ERBB4: variants seen among roughly 807,000 people sequenced by gnomAD.
The protein encoded by ERBB4 is receptor tyrosine-protein kinase erbB-4.
Under a neutral mutation model 158.0 loss-of-function variants are expected in ERBB4, and 42 were observed. The observed-to-expected ratio is 0.27, with a 90% confidence interval of 0.21 to 0.34. The LOEUF (loss-of-function observed/expected upper bound fraction) is 0.34. Ranked by LOEUF, ERBB4 falls within the 10% of genes least tolerant of loss-of-function variation. The pLI, the probability that ERBB4 is intolerant of heterozygous loss-of-function variation, is 1.00. For synonymous variants in ERBB4, 583 were observed against 558.7 expected (o/e 1.04, Z -0.61); for missense variants, 1,333 against 1,624.1 (o/e 0.82, Z 3.08).
chr2:212,397,302 C>T lies in ERBB4; in HGVS notation c.82+141147G>A, dbSNP rs2091057202. Among the ~76,000 whole-genome samples, 4 of 151,902 alleles carry T rather than the reference C, an allele frequency of 2.6e-5. No individual in the cohort carries two copies. The South Asian group carries it at 8.3e-4, about 32-fold the overall frequency. On this transcript the variant is annotated intron_variant, in intron 1 of 27. Coordinates refer to ENST00000342788, the MANE Select transcript of ERBB4 (RefSeq NM_005235.3). ...CCAGCCTGGGCAACATGGTGAAACC[C>T]ACTCTCTACAAAAAATACAAAACAG...
chr2:212,421,813 G>A (rs1016360141), intron 1 of ERBB4, among the ~76,000 whole-genome samples: 2 of 152,086 alleles, frequency 1.3e-5, no homozygotes, highest in Non-Finnish European at 2.9e-5. Flanking sequence ...ATGTATTGGA[G>A]TCATCTGTGT....
At chr2:212,444,966 A>G (rs186103330) in intron 1 of ERBB4, among the ~76,000 whole-genome samples, 1 of 151,458 alleles carries the variant, frequency 6.6e-6, no homozygotes, top group African/African-American at 2.4e-5. Context: ...GCCAAAACTA[A>G]TATCTGTGGA....
intron 19 of ERBB4, among the ~76,000 whole-genome samples, chr2:211,565,660 C>A (rs1351192283): frequency 1.3e-5 from 2 of 152,080 alleles, no homozygotes; most frequent in African/African-American, 4.8e-5. Context: ...TTCAGCTGTG[C>A]CTTACAAGAG....
Position 212,147,419 on chromosome 2 carries a change from T to A in ERBB4, c.83-22516A>T, listed in dbSNP as rs182029552. ...TTTAAGAGTTAGATAGGATGATCTG[T>A]AAGGTCACTGTTATTCTAAAATTCT... On this transcript the variant is annotated intron_variant, in intron 1 of 27. Transcript: ENST00000342788. Among the ~76,000 whole-genome samples the A allele has an allele frequency of 2.6e-3, 399 of 152,136 alleles. 1 individual carries two copies. Among genetic ancestry groups the A allele is most frequent in the African/African-American group, 8.8e-3 (366 of 41,524 alleles).
chr2:212,058,061 A>T (rs1438113113), intron 2 of ERBB4, among the ~76,000 whole-genome samples: 1 of 152,236 alleles, frequency 6.6e-6, no homozygotes, highest in East Asian at 1.9e-4. Flanking sequence ...GAGAGAAGAG[A>T]GAAGAATCAA....
At chr2:211,772,646 G>A (rs1484913417) in intron 4 of ERBB4, among the ~76,000 whole-genome samples, 1 of 149,730 alleles carries the variant, frequency 6.7e-6, no homozygotes, top group Non-Finnish European at 1.5e-5. Context: ...GATAACTAAT[G>A]TTTTTTCTTC....
At chr2:211,960,423 T>C (rs1447252009) in intron 2 of ERBB4, among the ~76,000 whole-genome samples, 1 of 152,140 alleles carries the variant, frequency 6.6e-6, no homozygotes, top group Non-Finnish European at 1.5e-5. Flanking sequence ...CTTTGGACAA[T>C]AATAGAGGAC....
At chr2:211,881,737 A>C (rs1391902290) in intron 3 of ERBB4, among the ~76,000 whole-genome samples, 1 of 151,136 alleles carries the variant, frequency 6.6e-6, no homozygotes, top group African/African-American at 2.4e-5. Context: ...GAAATCAGCA[A>C]CTCATTTTTC....
intron 2 of ERBB4, 95 bp downstream of exon 2, chr2:212,124,649 GGCAGAAGA>G: frequency 7.6e-7 from 1 of 1,319,726 alleles, no homozygotes; most frequent in Non-Finnish European, 1.1e-6. Context: ...GTGCCTGCCA[GGCAGAAGA>G]GCACCCCTTC....
chr2:212,070,633 T>C (rs893729421), intron 2 of ERBB4, among the ~76,000 whole-genome samples: 1 of 152,026 alleles, frequency 6.6e-6, no homozygotes, highest in African/African-American at 2.4e-5. Flanking sequence ...ATAACTGTAA[T>C]GTACACACAA....
At chr2:212,076,727 A>G (rs2078285331) in intron 2 of ERBB4, among the ~76,000 whole-genome samples, 1 of 152,006 alleles carries the variant, frequency 6.6e-6, no homozygotes, top group African/African-American at 2.4e-5. Flanking sequence ...CCCCTATGTT[A>G]AAAAGCCACC....
chr2:211,958,725 G>A (rs76810663), intron 2 of ERBB4, among the ~76,000 whole-genome samples: 2,269 of 152,048 alleles, frequency 0.015, 19 homozygotes, highest in Non-Finnish European at 0.022. Flanking sequence ...TACTATCCAC[G>A]GCAAAATGGT....
intron 1 of ERBB4, among the ~76,000 whole-genome samples, chr2:212,442,348 G>T (rs1168127906): frequency 6.6e-6 from 1 of 152,062 alleles, no homozygotes; most frequent in Non-Finnish European, 1.5e-5. Context: ...GGGGAGGCTG[G>T]GTCCCTTTGA....
intron 1 of ERBB4, among the ~76,000 whole-genome samples, chr2:212,452,347 C>A (rs6710782): frequency 0.21 from 31,333 of 151,850 alleles, 3,494 homozygotes; most frequent in African/African-American, 0.3. Context: ...TTTTTTGACA[C>A]CTTTGTATAT....
intron 20 of ERBB4, among the ~76,000 whole-genome samples, chr2:211,439,924 T>G (rs944304406): frequency 6.7e-6 from 1 of 149,046 alleles, no homozygotes; most frequent in Non-Finnish European, 1.5e-5. Context: ...GATAACAGAA[T>G]TTTTTTTTCT....
At chr2:212,106,655 AG>A (rs1478598857) in intron 2 of ERBB4, among the ~76,000 whole-genome samples, 1 of 152,248 alleles carries the variant, frequency 6.6e-6, no homozygotes, top group Non-Finnish European at 1.5e-5. Flanking sequence ...AAATGTCCCC[AG>A]GGCATGTCAG....
At chr2:211,475,487 A>G (rs950955490) in intron 20 of ERBB4, among the ~76,000 whole-genome samples, 4 of 152,114 alleles carry the variant, frequency 2.6e-5, no homozygotes, top group African/African-American at 9.7e-5. Flanking sequence ...CATGTAGGAA[A>G]TAGTAAGAAA....
intron 9 of ERBB4, among the ~76,000 whole-genome samples, chr2:211,710,748 T>C (rs2073666564): frequency 6.6e-6 from 1 of 151,890 alleles, no homozygotes; most frequent in South Asian, 2.1e-4. Flanking sequence ...CTGATGGTTT[T>C]ATACAGGGGA....
intron 1 of ERBB4, among the ~76,000 whole-genome samples, chr2:212,134,762 C>A (rs1004958518): frequency 7.1e-6 from 1 of 141,030 alleles, no homozygotes; most frequent in South Asian, 2.3e-4. Flanking sequence ...CGGCTCACTG[C>A]AAGCTCTGCC....
Sources: allele counts gnomAD v4.1 joint callset (sites outside exome capture counted in the v4.1 genomes callset), GRCh38; gene constraint gnomAD v4.1.1; transcripts MANE v1.5; gene names NCBI Gene and HGNC (gene_info 2026-07-23, HGNC 2026-07-21).